The following TRPM6 variants were observed in gnomAD, a reference collection of about 807,000 sequenced individuals.
TRPM6 encodes the protein transient receptor potential cation channel subfamily M member 6, also known as channel kinase 2.
TRPM6 carries 111 observed loss-of-function variants against 247.6 expected under a neutral mutation model. That is an observed-to-expected ratio of 0.45 (90% CI 0.38 to 0.52). The LOEUF (loss-of-function observed/expected upper bound fraction) is 0.52. Among genes scored for constraint, TRPM6 ranks in the 20% least tolerant of loss-of-function variants. TRPM6 has a pLI of 0.00. For missense variants in TRPM6, 2,126 were observed against 2,421.5 expected, an observed-to-expected ratio of 0.88 and a Z score of 2.56; for synonymous variants, 892 against 853.8, an observed-to-expected ratio of 1.04 and a Z score of -0.78.
chr9:74,845,727 G>T (rs938326489), intron 3 of TRPM6, among the ~76,000 whole-genome samples: 1 of 151,964 alleles, frequency 6.6e-6, no homozygotes, highest in Non-Finnish European at 1.5e-5. Context: ...CAGCTACTAG[G>T]GAGGCAGGAA....
chr9:74,858,068 A>G (rs1472725350), intron 2 of TRPM6, among the ~76,000 whole-genome samples: 2 of 152,250 alleles, frequency 1.3e-5, no homozygotes, highest in Non-Finnish European at 2.9e-5. Context: ...GGCATTAAGA[A>G]TAACTTCTTT....
intron 38 of TRPM6, among the ~76,000 whole-genome samples, chr9:74,727,021 C>T (rs1276903926): frequency 1.3e-5 from 2 of 152,126 alleles, no homozygotes; most frequent in Non-Finnish European, 2.9e-5. Context: ...GATCTCCCCA[C>T]CCCTGGCTGA....
rs769097479 is a variant in TRPM6, at chr9:74,802,125, A to G, written c.1782T>C (p.Asn594=). 1.2e-6 allele frequency: 2 copies of G among 1,614,088 alleles called. No homozygotes were observed. Among genetic ancestry groups the G allele is most frequent in the Non-Finnish European group, 1.7e-6 (2 of 1,179,988 alleles). Residue 594 remains asparagine, a synonymous_variant, in exon 16 of 39, where the codon AAT becomes AAC. Transcript: ENST00000360774. ...CAGTAGACTCAGGGTCATCTGATACATTTTGTTCTTTTGACTTCTTCCTTG... is the reference window on the plus strand; with the variant it reads ...CAGTAGACTCAGGGTCATCTGATACGTTTTGTTCTTTTGACTTCTTCCTTG... ...HKSRKKSKEQ[N]VSDDPESTGF...
intron 36 of TRPM6, chr9:74,737,543 A>T (rs1377752648): frequency 1.4e-6 from 1 of 697,548 alleles, no homozygotes; most frequent in African/African-American, 1.9e-5. Flanking sequence ...TCTTAAAAGA[A>T]ATAAAAGAAC....
At chr9:74,812,477 T>C in intron 11 of TRPM6, 44 bp from the exon 12 acceptor site, 5 of 1,547,158 alleles carry the variant, frequency 3.2e-6, no homozygotes, top group Non-Finnish European at 2.7e-6. Context: ...ATTAAGAAAG[T>C]AGAAATAACT....
intron 5 of TRPM6, among the ~76,000 whole-genome samples, chr9:74,837,716 G>A (rs1210722513): frequency 2.7e-5 from 4 of 150,864 alleles, no homozygotes; most frequent in Non-Finnish European, 5.9e-5. Context: ...AAAGTGTTGG[G>A]ATTACAGGTG....
chr9:74,784,666 A>G (rs1397151170), intron 21 of TRPM6, among the ~76,000 whole-genome samples: 2 of 152,186 alleles, frequency 1.3e-5, no homozygotes, highest in East Asian at 3.8e-4. Context: ...ATTTGACTCA[A>G]TCCCATACCA....
chr9:74,816,599 T>C, intron 11 of TRPM6, 70 bp downstream of exon 11: 1 of 1,275,176 alleles, frequency 7.8e-7, no homozygotes, highest in Non-Finnish European at 1.1e-6. Flanking sequence ...CCTCTCATTT[T>C]CTCTTTTGCC....
intron 37 of TRPM6, among the ~76,000 whole-genome samples, chr9:74,731,646 G>A (rs971747734): frequency 1.5e-4 from 22 of 149,716 alleles, no homozygotes; most frequent in Non-Finnish European, 2.8e-4. Context: ...TCTTGGGGAG[G>A]GAAAGTAAAA....
intron 1 of TRPM6, among the ~76,000 whole-genome samples, chr9:74,884,078 C>A (rs745774151): frequency 1.3e-5 from 2 of 151,426 alleles, no homozygotes; most frequent in Non-Finnish European, 2.9e-5. Context: ...GAACCTGGGA[C>A]GCAGAGGTTG....
intron 14 of TRPM6, among the ~76,000 whole-genome samples, 183 bp downstream of exon 14, chr9:74,807,851 C>T (rs188875475): frequency 4.7e-4 from 72 of 152,284 alleles, no homozygotes; most frequent in Admixed American, 2.2e-3. Context: ...CTGATCCTTA[C>T]GCATCCCAAG....
At position 74,827,798 on chromosome 9, in the gene TRPM6, G is replaced by A. The variant is rs553014740; in HGVS notation, c.821C>T (p.Ser274Phe). ...KLRRNLEKYLSLQKIHCRSRQ... is the reference protein window; with the variant it reads ...KLRRNLEKYLFLQKIHCRSRQ... ...CTCACGGCAGTGTATTTTCTGCAGA[G>A]AGAGGTACTTCTCCAGGTTCCTTCT... Residue 274 changes from serine to phenylalanine, a missense_variant, in exon 7 of 39, where the codon TCT becomes TTT. By Grantham distance (155) the Ser-to-Phe change is radical. Transcript: ENST00000360774. 256 of 1,614,120 alleles carry A rather than the reference G, an allele frequency of 1.6e-4. 2 individuals are homozygous for A. The South Asian group carries it at 2.6e-3, about 16-fold the overall frequency.
Position 74,803,858 on chromosome 9 carries a change from T to C in TRPM6, c.1667A>G (p.Asn556Ser). ...KHQRHSSGNR[N>S]ESAESTLHSQ... ...GTGCAGCGTACTTTCTGCAGACTCA[T>C]TTCTATTTCCTGAGGAGTGTCTCTG... Residue 556 changes from asparagine to serine, a missense_variant, in exon 15 of 39, where the codon AAT (asparagine) becomes AGT (serine). By Grantham distance (46) the Asn-to-Ser change is conservative. Transcript: ENST00000360774. 1 of 1,613,670 alleles carries C rather than the reference T, an allele frequency of 6.2e-7. No individual in the cohort carries two copies. The highest frequency in any genetic ancestry group is 8.5e-7 in the Non-Finnish European group (1 of 1,179,578).
intron 7 of TRPM6, among the ~76,000 whole-genome samples, chr9:74,823,962 T>C (rs1454724487): frequency 6.6e-6 from 1 of 151,972 alleles, no homozygotes; most frequent in Non-Finnish European, 1.5e-5. Flanking sequence ...TTTGTGAAAA[T>C]ATACATATGA....
At chr9:74,752,519 C>T in intron 28 of TRPM6, 151 bp from the exon 29 acceptor site, 1 of 594,758 alleles carries the variant, frequency 1.7e-6, no homozygotes, top group Non-Finnish European at 3.0e-6. Context: ...TACCAAGTTT[C>T]CTTTATCCTT....
At chr9:74,748,147 A>T (rs1826115466) in intron 30 of TRPM6, among the ~76,000 whole-genome samples, 2 of 152,232 alleles carry the variant, frequency 1.3e-5, no homozygotes, top group African/African-American at 4.8e-5. Flanking sequence ...ACACCTAGTG[A>T]TGTCTTAGCC....
At chr9:74,768,248 T>C (rs1383896242) in intron 25 of TRPM6, among the ~76,000 whole-genome samples, 1 of 152,204 alleles carries the variant, frequency 6.6e-6, no homozygotes, top group East Asian at 1.9e-4. Context: ...TCTTTGCCCA[T>C]TACAGGTGTT....
intron 11 of TRPM6, among the ~76,000 whole-genome samples, chr9:74,813,504 G>A (rs1564026670): frequency 6.6e-6 from 1 of 152,208 alleles, no homozygotes; most frequent in Non-Finnish European, 1.5e-5. Context: ...CTTCCAGTCA[G>A]GGAACTAGAG....
intron 18 of TRPM6, among the ~76,000 whole-genome samples, chr9:74,795,607 C>G (rs1487298943): frequency 6.6e-6 from 1 of 152,136 alleles, no homozygotes; most frequent in African/African-American, 2.4e-5. Flanking sequence ...AAACACCAAC[C>G]CAATCATAAA....
Sources: allele counts gnomAD v4.1 joint callset (sites outside exome capture counted in the v4.1 genomes callset), GRCh38; gene constraint gnomAD v4.1.1; transcripts MANE v1.5; gene names NCBI Gene and HGNC (gene_info 2026-07-23, HGNC 2026-07-21).